The following DCC variants were observed in gnomAD, a reference collection of about 807,000 sequenced individuals.
DCC encodes the protein netrin receptor DCC.
In DCC, 58 loss-of-function variants were observed where a neutral mutation model predicts 172.5. The observed-to-expected ratio is 0.34, with a 90% confidence interval of 0.27 to 0.42. The LOEUF (loss-of-function observed/expected upper bound fraction) is 0.42, where lower values mean the gene tolerates loss of function less well. Among genes scored for constraint, DCC ranks in the 10% least tolerant of loss-of-function variants. The pLI, the probability that DCC is intolerant of heterozygous loss-of-function variation, is 1.00. For synonymous variants in DCC, 709 were observed against 644.5 expected (o/e 1.10, Z -1.52); for missense variants, 1,740 against 1,791.0 (o/e 0.97, Z 0.51).
intron 2 of DCC, among the ~76,000 whole-genome samples, chr18:52,820,120 A>G (rs2038379812): frequency 6.6e-6 from 1 of 152,136 alleles, no homozygotes; most frequent in Non-Finnish European, 1.5e-5. Flanking sequence ...ACCCCACTTG[A>G]CATTCCATTG....
At chr18:52,524,124 T>G (rs1208726837) in intron 1 of DCC, among the ~76,000 whole-genome samples, 1 of 152,176 alleles carries the variant, frequency 6.6e-6, no homozygotes, top group Non-Finnish European at 1.5e-5. Context: ...AAGATAAAAA[T>G]TATAATTTCA....
intron 27 of DCC, among the ~76,000 whole-genome samples, chr18:53,515,645 T>C (rs1568181368): frequency 6.8e-6 from 1 of 147,174 alleles, no homozygotes; most frequent in Non-Finnish European, 1.5e-5. Context: ...AGCATTCTTA[T>C]ACACCAACAA....
chr18:52,862,455 C>T (rs1392380177), intron 2 of DCC, among the ~76,000 whole-genome samples: 1 of 151,990 alleles, frequency 6.6e-6, no homozygotes, highest in Non-Finnish European at 1.5e-5. Context: ...GTAATCCCAA[C>T]ACTTTGGGAG....
rs776080029 is a variant in DCC, at chr18:52,802,643, C to CT, written c.412+50309dup. ...ACAGGTACACATCACCACGCCAAGC[C>CT]TTTTTTTTTTTTTTTTTTTTTTTTT... On this transcript the variant is annotated intron_variant, in intron 2 of 28. Coordinates refer to ENST00000442544, the MANE Select transcript of DCC (RefSeq NM_005215.4). Among the ~76,000 whole-genome samples, 59 of 38,192 alleles carry CT rather than the reference C, an allele frequency of 1.5e-3. 16 individuals carry two copies. The highest frequency in any genetic ancestry group is 3.9e-3 in the Admixed American group (9 of 2,316). The allele number at this position is 38,192 out of a possible 152,430, so 25.1% of individuals were successfully genotyped here.
At chr18:52,539,663 G>T (rs1188870709) in intron 1 of DCC, among the ~76,000 whole-genome samples, 1 of 152,172 alleles carries the variant, frequency 6.6e-6, no homozygotes, top group Admixed American at 6.5e-5. Flanking sequence ...CATGAAGCCA[G>T]TCTCTGGTAC....
chr18:52,779,334 T>G (rs4940212), intron 2 of DCC, among the ~76,000 whole-genome samples: 148,604 of 152,074 alleles, frequency 0.98, 72,694 homozygotes, highest in East Asian at 1. Flanking sequence ...GCCCCAGTGT[T>G]TGACGTTCCC....
intron 12 of DCC, among the ~76,000 whole-genome samples, chr18:53,255,701 G>A (rs2056500946): frequency 6.6e-6 from 1 of 152,138 alleles, no homozygotes; most frequent in Non-Finnish European, 1.5e-5. Context: ...ATAGCAGCAT[G>A]TTTTATATTC....
rs1213978012 is a variant in DCC at position 53,197,415 on chromosome 18, TTTAG to T, written c.1574-7798_1574-7795del. Among the ~76,000 whole-genome samples, 117 of 132,286 alleles carry T rather than the reference TTTAG, an allele frequency of 8.8e-4. 2 individuals carry two copies. Among genetic ancestry groups the T allele is most frequent in the Non-Finnish European group, 4.3e-4 (28 of 64,552 alleles). 86.8% of individuals were successfully genotyped at this position (132,286 alleles called of 152,430 possible). On this transcript the variant is annotated intron_variant, in intron 9 of 28. Coordinates refer to ENST00000442544, the MANE Select transcript of DCC (RefSeq NM_005215.4). ...AGTTTTTCTTCAAATCCACTTTTATTTTAGTTTTTTTTTTTTTTTTTTTTTAACA... is the reference window on the plus strand; with the variant it reads ...AGTTTTTCTTCAAATCCACTTTTATTTTTTTTTTTTTTTTTTTTTTTAACA...
At chr18:52,517,447 C>T (rs2031678372) in intron 1 of DCC, among the ~76,000 whole-genome samples, 1 of 152,246 alleles carries the variant, frequency 6.6e-6, no homozygotes, top group African/African-American at 2.4e-5. Context: ...TGCTACAGGC[C>T]TTCTGTATCT....
intron 1 of DCC, among the ~76,000 whole-genome samples, chr18:52,663,352 C>T (rs1348689142): frequency 1.3e-5 from 2 of 152,098 alleles, no homozygotes; most frequent in Non-Finnish European, 2.9e-5. Flanking sequence ...AAGGGAAGTT[C>T]TCAGGTGGTG....
intron 1 of DCC, among the ~76,000 whole-genome samples, chr18:52,726,023 C>T (rs950582455): frequency 6.6e-6 from 1 of 152,144 alleles, no homozygotes; most frequent in African/African-American, 2.4e-5. Flanking sequence ...AATGGAAGGA[C>T]AGAGAGATTA....
intron 27 of DCC, among the ~76,000 whole-genome samples, chr18:53,513,578 G>A (rs541703246): frequency 7.2e-5 from 11 of 152,252 alleles, no homozygotes; most frequent in African/African-American, 2.6e-4. Flanking sequence ...CATCTCACAT[G>A]CAGAGACACA....
chr18:53,154,597 T>C (rs1011632937), intron 7 of DCC, among the ~76,000 whole-genome samples: 2 of 152,166 alleles, frequency 1.3e-5, no homozygotes, highest in African/African-American at 4.8e-5. Context: ...ACACTTGTGG[T>C]AATTCCAGTT....
chr18:53,273,945 A>G (rs1306730873), intron 12 of DCC, among the ~76,000 whole-genome samples: 2 of 152,092 alleles, frequency 1.3e-5, no homozygotes, highest in East Asian at 1.9e-4. Context: ...AGGGAGAGAA[A>G]TCAATAGGGC....
At chr18:53,101,414 A>G (rs562412895) in intron 7 of DCC, among the ~76,000 whole-genome samples, 2 of 152,212 alleles carry the variant, frequency 1.3e-5, no homozygotes, top group Non-Finnish European at 2.9e-5. Flanking sequence ...GAGAGGCATG[A>G]CCAGTACTAA....
At chr18:52,415,721 G>A (rs891980988) in intron 1 of DCC, among the ~76,000 whole-genome samples, 2 of 151,908 alleles carry the variant, frequency 1.3e-5, no homozygotes, top group African/African-American at 4.8e-5. Flanking sequence ...GAAACGTGAA[G>A]CCTGTTTATC....
intron 2 of DCC, among the ~76,000 whole-genome samples, chr18:52,797,408 A>T (rs1598812329): frequency 6.6e-6 from 1 of 152,186 alleles, no homozygotes; most frequent in East Asian, 1.9e-4. Flanking sequence ...CTTTGTAAGG[A>T]AAGATATTTT....
At chr18:52,430,705 T>A (rs886698571) in intron 1 of DCC, among the ~76,000 whole-genome samples, 1 of 152,204 alleles carries the variant, frequency 6.6e-6, no homozygotes, top group African/African-American at 2.4e-5. Context: ...GTACTAGTTA[T>A]ATGGCATTTC....
chr18:52,387,929 C>T (rs975832458), intron 1 of DCC, among the ~76,000 whole-genome samples: 3 of 151,958 alleles, frequency 2.0e-5, no homozygotes, highest in Non-Finnish European at 4.4e-5. Context: ...CTTTGCTCGC[C>T]ACCACCAATC....
Sources: gnomAD v4.1 joint callset for allele counts (sites outside exome capture counted in the v4.1 genomes callset) on GRCh38, gnomAD v4.1.1 for gene constraint, MANE v1.5 for transcripts, NCBI Gene and HGNC (gene_info 2026-07-23, HGNC 2026-07-21) for gene names.